Variants in SACS observed in about 807,000 individuals in gnomAD.
SACS encodes the protein sacsin.
In SACS, 197 loss-of-function variants were observed where a neutral mutation model predicts 348.0. The observed-to-expected ratio is 0.57, with a 90% CI of 0.50 to 0.64. The LOEUF is 0.64. SACS is among the 30% of genes least tolerant of loss of function. SACS has a pLI of 0.00. For synonymous variants in SACS, 1,985 were observed against 1,910.6 expected (o/e 1.04, Z -1.02); for missense variants, 4,999 against 5,360.8 (o/e 0.93, Z 2.11).
At chr13:23,431,295 C>T (rs1706490197) in intron 1 of SACS, among the ~76,000 whole-genome samples, 1 of 152,172 alleles carries the variant, frequency 6.6e-6, no homozygotes, top group Admixed American at 6.5e-5. Context: ...AAAGAGAAGT[C>T]AAAGCAGGGC....
chr13:23,357,750 T>C (rs1870485817), intron 7 of SACS, among the ~76,000 whole-genome samples: 1 of 42,030 alleles, frequency 2.4e-5, no homozygotes. Flanking sequence ...GTATTTCCTA[T>C]TGTTAACTAG....
intron 2 of SACS, among the ~76,000 whole-genome samples, chr13:23,397,334 G>T (rs1456419265): frequency 1.3e-5 from 2 of 152,132 alleles, no homozygotes; most frequent in Non-Finnish European, 2.9e-5. Context: ...AACAAATATA[G>T]GACAAAACTT....
chr13:23,330,610 A>C lies in SACS; in HGVS notation c.13266T>G (p.Pro4422=), dbSNP rs753101659. The C allele has an allele frequency of 1.2e-6, 2 of 1,613,836 alleles. No homozygotes were observed. The highest frequency in any genetic ancestry group is 1.7e-4 in the Middle Eastern group (1 of 6,060). ...TTTGAGAGTAAGTCTGTCCGGCTGA[A>C]GGGGGGCATTTTTCTTTGTTCTGTT... ...RQQQNKEKCP[P]SAGQTYSQRF... is the part of the protein sequence containing the mutation. Residue 4422 remains proline (P), a synonymous_variant, in exon 10 of 10, where the codon CCT becomes CCG. Coordinates refer to ENST00000382292, the MANE Select transcript of SACS (RefSeq NM_014363.6).
At position 23,340,152 on chromosome 13, in the gene SACS, CA is replaced by C; in HGVS notation, c.3723del (p.Ser1241ArgfsTer23). On this transcript the variant is annotated frameshift_variant, in exon 10 of 10. Coordinates refer to ENST00000382292, the MANE Select transcript of SACS (RefSeq NM_014363.6). LOFTEE classifies it high-confidence loss of function. ...VVDWYSSKTF[S>X]DEDYYQFQHI... The stretch of plus-strand genomic sequence containing the variant: ...TGCTGGAATTGATAGTAGTCTTCAT[CA>C]CTAAAGGTTTTTGAAGAATACCAAT... 6.2e-7 allele frequency: 1 copy of C among 1,613,152 alleles called. No individual in the cohort carries two copies. Among genetic ancestry groups the C allele is most frequent in the Non-Finnish European group, 8.5e-7 (1 of 1,179,412 alleles).
At chr13:23,421,193 C>G (rs771085017) in intron 1 of SACS, among the ~76,000 whole-genome samples, 1 of 152,092 alleles carries the variant, frequency 6.6e-6, no homozygotes, top group Non-Finnish European at 1.5e-5. Flanking sequence ...CCACCTGAGG[C>G]CTGGTGGTCA....
intron 6 of SACS, among the ~76,000 whole-genome samples, chr13:23,363,928 T>C (rs1233701958): frequency 6.6e-6 from 1 of 152,120 alleles, no homozygotes; most frequent in Non-Finnish European, 1.5e-5. Context: ...CAATGTTACA[T>C]TAAGTCACAG....
intron 1 of SACS, among the ~76,000 whole-genome samples, chr13:23,426,609 C>T (rs1435871550): frequency 2.0e-5 from 3 of 146,432 alleles, no homozygotes. Context: ...CATTGCACTC[C>T]AGCCTGGGTG....
intron 3 of SACS, chr13:23,373,798 A>C (rs1461081631): frequency 3.8e-4 from 1 of 2,632 alleles, no homozygotes; most frequent in Non-Finnish European, 9.5e-4. Context: ...TCCGTCTCAC[A>C]AAAAAAAAAA....
Position 23,334,502 on chromosome 13 carries a change from T to C in SACS, c.9374A>G (p.Asn3125Ser). Residue 3125 changes from asparagine to serine, a missense_variant, in exon 10 of 10, where the codon AAT becomes AGT. Around this residue, in one of 6 missense-constraint regions of SACS, gnomAD observed 734 missense variants for 694.0 expected, o/e 1.06. Transcript: ENST00000382292. ...GKLPCRLQQTNLKLFHSLKLL... is the reference protein window; with the variant it reads ...GKLPCRLQQTSLKLFHSLKLL... ...TTTTAAACTATGAAAAAGTTTTAGA[T>C]TAGTCTGCTGCAGACGACAAGGCAG... is the stretch of plus-strand genomic sequence containing the variant. 6.2e-7 allele frequency: 1 copy of C among 1,613,292 alleles called. No homozygotes were observed. The highest frequency in any genetic ancestry group is 8.5e-7 in the Non-Finnish European group (1 of 1,179,746).
In SACS at chr13:23,329,324, T is replaced by C. The variant is rs1278914562; in HGVS notation, c.*812A>G. ...CTGTTCAACCACACTATATAAATTA[T>C]AACATTTGTGGAAAATATGTACACA... is the stretch of plus-strand genomic sequence containing the variant. On this transcript the variant is annotated 3_prime_UTR_variant, in exon 10 of 10. Coordinates refer to ENST00000382292, the MANE Select transcript of SACS (RefSeq NM_014363.6). 2 of 646,748 alleles carry C rather than the reference T, an allele frequency of 3.1e-6. No homozygotes were observed. Among genetic ancestry groups the C allele is most frequent in the African/African-American group, 1.9e-5 (1 of 52,662 alleles). 40.1% of individuals were successfully genotyped at this position (646,748 alleles called of 1,614,324 possible). A position where few individuals can be genotyped will look rare whatever the true frequency, so the allele number is the denominator to read the frequency against.
chr13:23,358,218 G>C (rs1870514399), intron 7 of SACS, 117 bp downstream of exon 7: 3 of 1,077,708 alleles, frequency 2.8e-6, no homozygotes, highest in Non-Finnish European at 4.2e-6. Flanking sequence ...GCTACTGACA[G>C]AAGAATTTGG....
Position 23,411,312 on chromosome 13 carries a change from T to C in SACS, c.-73A>G. The C allele has an allele frequency of 7.1e-7, 1 of 1,401,424 alleles. No homozygotes were observed. Among genetic ancestry groups the C allele is most frequent in the South Asian group, 1.2e-5 (1 of 86,092 alleles). The allele number at this position is 1,401,424 out of a possible 1,614,324, so 86.8% of individuals were successfully genotyped here. ...TTCTTTCTTCTGTTTAAGTCTTCCC[T>C]CTGTGCTTCCTTTAAATGTGTACTC... On this transcript the variant is annotated 5_prime_UTR_variant, in exon 2 of 10. Transcript: ENST00000382292.
chr13:23,369,905 CTGGAGTGCAA>C (rs1428603749), intron 4 of SACS, among the ~76,000 whole-genome samples: 1 of 150,708 alleles, frequency 6.6e-6, no homozygotes, highest in Admixed American at 6.6e-5. Context: ...GTCTCCTGGG[CTGGAGTGCAA>C]TGGAGCGATC....
At chr13:23,413,888 G>A (rs1873598718) in intron 1 of SACS, among the ~76,000 whole-genome samples, 1 of 152,204 alleles carries the variant, frequency 6.6e-6, no homozygotes, top group South Asian at 2.1e-4. Context: ...ATATTAGCAA[G>A]AGGATGGAAA....
intron 5 of SACS, among the ~76,000 whole-genome samples, chr13:23,366,793 G>A (rs1335618780): frequency 6.6e-6 from 1 of 152,126 alleles, no homozygotes; most frequent in Non-Finnish European, 1.5e-5. Context: ...ACTAACTCTG[G>A]GAAACAGCAA....
In SACS at chr13:23,331,284, G is replaced by A; in HGVS notation, c.12592C>T (p.Gln4198Ter). 4 of 1,613,820 alleles carry A rather than the reference G, an allele frequency of 2.5e-6. No individual in the cohort carries two copies. Among genetic ancestry groups the A allele is most frequent in the Non-Finnish European group, 3.4e-6 (4 of 1,179,884 alleles). Residue 4198 changes from glutamine (Q) to a stop codon, truncating the protein, a stop_gained, in exon 10 of 10, where the codon CAG (glutamine) becomes TAG (stop). Coordinates refer to ENST00000382292, the MANE Select transcript of SACS (RefSeq NM_014363.6). LOFTEE classifies it high-confidence loss of function. The stretch of plus-strand genomic sequence containing the variant: ...ATAATTGCATATGTGTATGTTGGCT[G>A]GTATGATCCATAGATATCACCACCT... Reference protein sequence around the residue: ...AEGGDIYGSYQPTYTYAIIVQ... With the variant: ...AEGGDIYGSY
chr13:23,393,916 G>T (rs1033722058), intron 2 of SACS, among the ~76,000 whole-genome samples: 1 of 151,948 alleles, frequency 6.6e-6, no homozygotes, highest in African/African-American at 2.4e-5. Context: ...GCCTGCCACC[G>T]CGCCCGGCTA....
chr13:23,377,755 G>A (rs1005747693), intron 2 of SACS, among the ~76,000 whole-genome samples: 7 of 152,074 alleles, frequency 4.6e-5, no homozygotes, highest in East Asian at 1.9e-4. Flanking sequence ...TTAGTGCTGC[G>A]AGACTCCCGT....
intron 2 of SACS, among the ~76,000 whole-genome samples, chr13:23,404,050 C>A (rs1317612350): frequency 6.6e-6 from 1 of 152,092 alleles, no homozygotes; most frequent in African/African-American, 2.4e-5. Flanking sequence ...TTTAGTTGTG[C>A]GGTTTTGAGT....
Sources: allele counts gnomAD v4.1 joint callset (sites outside exome capture counted in the v4.1 genomes callset), GRCh38; gene constraint gnomAD v4.1.1; regional missense constraint gnomAD v4.1.1; transcripts MANE v1.5; gene names NCBI Gene and HGNC (gene_info 2026-07-23, HGNC 2026-07-21).